LSAMP: variants seen among roughly 807,000 people sequenced by gnomAD.
LSAMP encodes the protein limbic system-associated membrane protein.
A neutral mutation model predicts 38.6 loss-of-function variants in LSAMP; 7 were observed. That is an observed-to-expected ratio of 0.18 (90% CI 0.10 to 0.34). The LOEUF is 0.34. Ranked by LOEUF, LSAMP falls within the 10% of genes least tolerant of loss-of-function variation. LSAMP has a pLI of 1.00. For missense variants in LSAMP, 313 were observed against 420.0 expected (o/e 0.75, Z 2.23); for synonymous variants, 154 against 166.8 (o/e 0.92, Z 0.59).
At chr3:116,249,488 C>G (rs778689593) in intron 1 of LSAMP, among the ~76,000 whole-genome samples, 27 of 151,984 alleles carry the variant, frequency 1.8e-4, no homozygotes, top group African/African-American at 6.5e-4. Context: ...TAACTTTGAG[C>G]GATTCTCCTG....
At chr3:115,959,281 C>A (rs540596465) in intron 3 of LSAMP, among the ~76,000 whole-genome samples, 4 of 152,212 alleles carry the variant, frequency 2.6e-5, no homozygotes, top group African/African-American at 9.6e-5. Flanking sequence ...GAGCTCAATG[C>A]ATTCAAGGCA....
intron 1 of LSAMP, among the ~76,000 whole-genome samples, chr3:116,348,111 C>A (rs1220568649): frequency 6.6e-6 from 1 of 151,796 alleles, no homozygotes; most frequent in Non-Finnish European, 1.5e-5. Flanking sequence ...ACAGTTTGAA[C>A]CATCAACTAT....
chr3:116,314,311 G>T (rs762339137), intron 1 of LSAMP, among the ~76,000 whole-genome samples: 1 of 152,190 alleles, frequency 6.6e-6, no homozygotes, highest in African/African-American at 2.4e-5. Context: ...CAACTTCATA[G>T]AATTGTTATG....
intron 3 of LSAMP, among the ~76,000 whole-genome samples, chr3:115,950,901 T>A (rs890329549): frequency 4.7e-5 from 7 of 150,486 alleles, no homozygotes; most frequent in Non-Finnish European, 1.0e-4. Context: ...GGTACTAGTA[T>A]TAAAACAGGC....
At chr3:116,207,885 T>G (rs1268003205) in intron 1 of LSAMP, among the ~76,000 whole-genome samples, 1 of 151,488 alleles carries the variant, frequency 6.6e-6, no homozygotes, top group East Asian at 2.0e-4. Context: ...TGTCTTGGAG[T>G]TGCTCTTCTC....
At chr3:115,860,484 T>A (rs1935643682) in intron 3 of LSAMP, among the ~76,000 whole-genome samples, 1 of 152,208 alleles carries the variant, frequency 6.6e-6, no homozygotes, top group African/African-American at 2.4e-5. Context: ...ATAAGACATG[T>A]GAGAAATTTC....
intron 1 of LSAMP, among the ~76,000 whole-genome samples, chr3:116,429,914 C>T (rs1000860622): frequency 6.6e-6 from 1 of 152,108 alleles, no homozygotes; most frequent in Admixed American, 6.5e-5. Flanking sequence ...TCATAATTTC[C>T]TAATTCAGAT....
intron 3 of LSAMP, among the ~76,000 whole-genome samples, chr3:115,989,053 A>G (rs565726734): frequency 2.7e-4 from 41 of 152,104 alleles, no homozygotes; most frequent in Non-Finnish European, 4.1e-4. Context: ...AGGGCATTCA[A>G]TTTTCACACT....
chr3:115,980,403 GTGT>G (rs1559906645), intron 3 of LSAMP, among the ~76,000 whole-genome samples: 11 of 151,886 alleles, frequency 7.2e-5, no homozygotes, highest in Non-Finnish European at 1.6e-4. Flanking sequence ...TCTTTTTTCT[GTGT>G]AAAAGGAAAA....
chr3:116,182,279 A>G (rs1462933105), intron 1 of LSAMP, among the ~76,000 whole-genome samples: 1 of 151,456 alleles, frequency 6.6e-6, no homozygotes, highest in Non-Finnish European at 1.5e-5. Flanking sequence ...CAGAAAATAC[A>G]TTTTCTACAG....
At chr3:116,406,448 C>A (rs2048898717) in intron 1 of LSAMP, among the ~76,000 whole-genome samples, 1 of 151,996 alleles carries the variant, frequency 6.6e-6, no homozygotes, top group African/African-American at 2.4e-5. Context: ...AATTATGAAT[C>A]CTTTCTTGGT....
At chr3:116,330,677 A>G (rs1266419816) in intron 1 of LSAMP, among the ~76,000 whole-genome samples, 1 of 152,172 alleles carries the variant, frequency 6.6e-6, no homozygotes, top group African/African-American at 2.4e-5. Context: ...CCCAGGCAAA[A>G]ACACAGGCTC....
At chr3:116,004,535 T>C (rs188656788) in intron 3 of LSAMP, among the ~76,000 whole-genome samples, 2,603 of 149,188 alleles carry the variant, frequency 0.017, 30 homozygotes, top group Non-Finnish European at 0.022. Context: ...TATATATATA[T>C]ACACACACAC....
chr3:116,336,189 A>G (rs976522914), intron 1 of LSAMP, among the ~76,000 whole-genome samples: 3 of 152,040 alleles, frequency 2.0e-5, no homozygotes, highest in African/African-American at 7.2e-5. Flanking sequence ...AAACTTCACA[A>G]CATTGGATTT....
At chr3:115,961,006 G>T (rs1938608258) in intron 3 of LSAMP, among the ~76,000 whole-genome samples, 1 of 152,118 alleles carries the variant, frequency 6.6e-6, no homozygotes, top group African/African-American at 2.4e-5. Flanking sequence ...TGACTGCTCT[G>T]TGCAAGCCAC....
intron 1 of LSAMP, among the ~76,000 whole-genome samples, chr3:116,249,096 C>T (rs1335873621): frequency 6.8e-6 from 1 of 147,604 alleles, no homozygotes; most frequent in African/African-American, 2.5e-5. Flanking sequence ...TTGCAGTGGG[C>T]CAAGATCGCG....
intron 1 of LSAMP, among the ~76,000 whole-genome samples, chr3:116,124,867 ATTG>A (rs1708972150): frequency 2.0e-5 from 3 of 152,200 alleles, no homozygotes; most frequent in Non-Finnish European, 4.4e-5. Context: ...TGCAAAGGGT[ATTG>A]TTTTCATTTG....
chr3:116,191,894 A>C (rs936392457), intron 1 of LSAMP, among the ~76,000 whole-genome samples: 2 of 152,120 alleles, frequency 1.3e-5, no homozygotes, highest in Non-Finnish European at 2.9e-5. Context: ...TAACTCTTTC[A>C]TCACTTAGAT....
intron 3 of LSAMP, among the ~76,000 whole-genome samples, chr3:115,873,277 G>T (rs1936095532): frequency 6.6e-6 from 1 of 151,958 alleles, no homozygotes; most frequent in South Asian, 2.1e-4. Context: ...GGCTAACTTG[G>T]GAGGTTAAGG....
Sources: allele counts gnomAD v4.1 joint callset (sites outside exome capture counted in the v4.1 genomes callset), GRCh38; gene constraint gnomAD v4.1.1; transcripts MANE v1.5; gene names NCBI Gene and HGNC (gene_info 2026-07-23, HGNC 2026-07-21).